PHACTR1: variants seen among roughly 807,000 people sequenced by gnomAD.
The protein encoded by PHACTR1 is RPEL repeat containing 1.
A neutral mutation model predicts 69.2 loss-of-function variants in PHACTR1; 16 were observed. The ratio of observed to expected loss-of-function variants is 0.23; its 90% CI spans 0.16 to 0.35. The LOEUF is 0.35. Ranked by LOEUF, PHACTR1 falls within the 10% of genes least tolerant of loss-of-function variation. The pLI is 1.00. For missense variants in PHACTR1, 510 were observed against 734.7 expected, an observed-to-expected ratio of 0.69 and a Z score of 3.54; for synonymous variants, 312 against 284.5, an observed-to-expected ratio of 1.10 and a Z score of -0.97.
chr6:13,244,348 A>C (rs1773287788), intron 10 of PHACTR1, among the ~76,000 whole-genome samples: 1 of 152,206 alleles, frequency 6.6e-6, no homozygotes, highest in South Asian at 2.1e-4. Context: ...TTGCTAATGA[A>C]GTTTCGGGCA....
chr6:12,879,891 C>T (rs1782913818), intron 4 of PHACTR1, among the ~76,000 whole-genome samples: 1 of 152,158 alleles, frequency 6.6e-6, no homozygotes. Flanking sequence ...CGTATGGGCA[C>T]TTTCCTCTAT....
intron 5 of PHACTR1, among the ~76,000 whole-genome samples, chr6:13,143,501 T>C (rs1822827192): frequency 6.6e-6 from 1 of 152,204 alleles, no homozygotes; most frequent in South Asian, 2.1e-4. Flanking sequence ...GGGGATCTTG[T>C]TGGAACACAG....
At chr6:13,164,237 C>T (rs892158818) in intron 6 of PHACTR1, among the ~76,000 whole-genome samples, 3 of 152,062 alleles carry the variant, frequency 2.0e-5, no homozygotes, top group African/African-American at 4.8e-5. Context: ...ATCTGAGATT[C>T]GGGGGGTAAA....
At chr6:13,247,791 T>A (rs1773800048) in intron 10 of PHACTR1, among the ~76,000 whole-genome samples, 1 of 152,074 alleles carries the variant, frequency 6.6e-6, no homozygotes, top group African/African-American at 2.4e-5. Flanking sequence ...GACTTCGAGG[T>A]TGTAGTCTGC....
intron 4 of PHACTR1, among the ~76,000 whole-genome samples, chr6:13,046,497 T>C (rs1805078180): frequency 6.6e-6 from 1 of 152,004 alleles, no homozygotes; most frequent in African/African-American, 2.4e-5. Context: ...AAGAAGGAAG[T>C]GAGGGCAGTG....
At chr6:13,215,656 G>C (rs1392719830) in intron 8 of PHACTR1, among the ~76,000 whole-genome samples, 1 of 152,172 alleles carries the variant, frequency 6.6e-6, no homozygotes, top group Non-Finnish European at 1.5e-5. Context: ...CAGGCTAATA[G>C]GAGTCCCAAA....
chr6:12,965,710 C>T (rs116954093), intron 4 of PHACTR1, among the ~76,000 whole-genome samples: 3 of 152,248 alleles, frequency 2.0e-5, no homozygotes, highest in East Asian at 1.9e-4. Flanking sequence ...ACCAAAGGTA[C>T]GTACAGGTGG....
chr6:12,798,630 C>T (rs934775892), intron 4 of PHACTR1, among the ~76,000 whole-genome samples: 11 of 152,166 alleles, frequency 7.2e-5, no homozygotes, highest in Non-Finnish European at 1.3e-4. Context: ...AGAAAGAGTG[C>T]ACATCCTGCT....
chr6:12,875,128 A>AT (rs1217937365), intron 4 of PHACTR1, among the ~76,000 whole-genome samples: 1 of 152,232 alleles, frequency 6.6e-6, no homozygotes, highest in African/African-American at 2.4e-5. Context: ...AAAGAGTAAC[A>AT]TTTACATGAA....
intron 5 of PHACTR1, among the ~76,000 whole-genome samples, chr6:13,117,165 A>G (rs866094273): frequency 6.6e-6 from 1 of 152,138 alleles, no homozygotes; most frequent in Non-Finnish European, 1.5e-5. Flanking sequence ...TTCTTTGGAA[A>G]CCTGCGTCTT....
chr6:12,950,282 C>A (rs1012449062), intron 4 of PHACTR1, among the ~76,000 whole-genome samples: 9 of 152,228 alleles, frequency 5.9e-5, no homozygotes, highest in African/African-American at 1.9e-4. Context: ...GCTTACCTGT[C>A]ATCTGAAGGC....
At chr6:13,251,600 C>A (rs1204048264) in intron 10 of PHACTR1, among the ~76,000 whole-genome samples, 3 of 152,148 alleles carry the variant, frequency 2.0e-5, no homozygotes, top group Admixed American at 6.5e-5. Context: ...AAACAAAAAA[C>A]CATAAGGAAG....
intron 4 of PHACTR1, among the ~76,000 whole-genome samples, chr6:12,861,218 T>C (rs1384055943): frequency 6.6e-6 from 1 of 152,178 alleles, no homozygotes; most frequent in Non-Finnish European, 1.5e-5. Context: ...TGTTAGGCAA[T>C]TGTGAAGGTT....
chr6:12,968,436 A>T (rs1029093231), intron 4 of PHACTR1, among the ~76,000 whole-genome samples: 1 of 152,142 alleles, frequency 6.6e-6, no homozygotes, highest in East Asian at 1.9e-4. Context: ...TTAGGTCTTC[A>T]GGCTTGTGGC....
intron 5 of PHACTR1, among the ~76,000 whole-genome samples, chr6:13,122,868 G>T (rs1240095352): frequency 1.3e-5 from 2 of 152,102 alleles, no homozygotes; most frequent in Non-Finnish European, 2.9e-5. Flanking sequence ...GACAAACAAG[G>T]GTTACTACCT....
At chr6:13,248,754 CACATCCCTGCAGCTCTGATCTG>C (rs1773935988) in intron 10 of PHACTR1, among the ~76,000 whole-genome samples, 1 of 152,108 alleles carries the variant, frequency 6.6e-6, no homozygotes, top group Admixed American at 6.6e-5. Context: ...CAGCTGCAGC[CACATCCCTGCAGCTCTGATCTG>C]ACTGCAGAGC....
At chr6:13,150,778 A>G (rs1217756086) in intron 5 of PHACTR1, among the ~76,000 whole-genome samples, 1 of 152,116 alleles carries the variant, frequency 6.6e-6, no homozygotes, top group African/African-American at 2.4e-5. Context: ...CTCCTCTTTT[A>G]TATATTGTTT....
At chr6:13,059,501 A>T (rs1248481362) in intron 5 of PHACTR1, among the ~76,000 whole-genome samples, 1 of 151,460 alleles carries the variant, frequency 6.6e-6, no homozygotes, top group Non-Finnish European at 1.5e-5. Flanking sequence ...CACAAAACCC[A>T]CAGAGGAACA....
At chr6:12,933,912 T>C in intron 4 of PHACTR1, 1 of 1,610,834 alleles carries the variant, frequency 6.2e-7, no homozygotes, top group Non-Finnish European at 8.5e-7. Context: ...TACTCTTTGG[T>C]CCATATGGGA....
Sources: gnomAD v4.1 joint callset for allele counts (sites outside exome capture counted in the v4.1 genomes callset) on GRCh38, gnomAD v4.1.1 for gene constraint, MANE v1.5 for transcripts, NCBI Gene and HGNC (gene_info 2026-07-23, HGNC 2026-07-21) for gene names.